The following ANO2 variants were observed in gnomAD, a reference collection of about 807,000 sequenced individuals.
ANO2 encodes the protein anoctamin 2.
Under a neutral mutation model 124.2 loss-of-function variants are expected in ANO2, and 101 were observed. The ratio of observed to expected loss-of-function variants is 0.81; its 90% CI spans 0.69 to 0.96. ANO2 has a LOEUF of 0.96. Among genes scored for constraint, ANO2 ranks in the 40% least tolerant of loss-of-function variants. The pLI, the probability that ANO2 is intolerant of heterozygous loss-of-function variation, is 0.00. For missense variants in ANO2, 1,293 were observed against 1,274.5 expected, an observed-to-expected ratio of 1.01 and a Z score of -0.22; for synonymous variants, 486 against 482.5, an observed-to-expected ratio of 1.01 and a Z score of -0.09.
At position 5,635,467 on chromosome 12, in the gene ANO2, G is replaced by T; in HGVS notation, c.1621-120C>A. 1.2e-6 allele frequency: 1 copy of T among 829,706 alleles called. No homozygotes were observed. The highest frequency in any genetic ancestry group is 1.8e-5 in the African/African-American group (1 of 56,742). 51.4% of individuals were successfully genotyped at this position (829,706 alleles called of 1,614,324 possible). A position where few individuals can be genotyped will look rare whatever the true frequency, so the allele number is the denominator to read the frequency against. On this transcript the variant is annotated intron_variant, in intron 15 of 24. Coordinates refer to ENST00000682330, the MANE Select transcript of ANO2 (RefSeq NM_001364791.2). The surrounding 1 kb of genome is among the most constrained non-coding windows in gnomAD (Gnocchi z 5.2). Reference sequence around the variant, plus strand: ...ATTATTAATCTGGAATCTTTTGTTGGGTAACAAGGGATTCCAGATATTATT... The same window carrying T: ...ATTATTAATCTGGAATCTTTTGTTGTGTAACAAGGGATTCCAGATATTATT...
chr12:5,855,712 C>T (rs182457064), intron 3 of ANO2, among the ~76,000 whole-genome samples: 18 of 152,204 alleles, frequency 1.2e-4, no homozygotes, highest in Non-Finnish European at 1.8e-4. Flanking sequence ...CCAGTACTAC[C>T]ACAATCTCTA....
At chr12:5,806,742 T>C (rs3782659) in intron 8 of ANO2, among the ~76,000 whole-genome samples, 59,548 of 152,162 alleles carry the variant, frequency 0.39, 14,047 homozygotes, top group East Asian at 0.51. Flanking sequence ...TTCTGTTTTC[T>C]TTACTTAACC....
chr12:5,892,909 C>A (rs1410085223), intron 3 of ANO2, among the ~76,000 whole-genome samples: 1 of 152,120 alleles, frequency 6.6e-6, no homozygotes, highest in African/African-American at 2.4e-5. Context: ...TGTTTGACAA[C>A]TGAAAACAAA....
At chr12:5,914,079 A>G (rs910993092) in intron 3 of ANO2, among the ~76,000 whole-genome samples, 21 of 152,170 alleles carry the variant, frequency 1.4e-4, no homozygotes, top group African/African-American at 4.6e-4. Context: ...GTGCACCTGT[A>G]ATCCCAGCTA....
intron 3 of ANO2, among the ~76,000 whole-genome samples, chr12:5,899,894 G>A (rs562459063): frequency 3.9e-5 from 6 of 152,284 alleles, no homozygotes; most frequent in African/African-American, 1.4e-4. Flanking sequence ...ATGGTGGGAG[G>A]GGGAACACAC....
At chr12:5,746,737 G>A (rs1188546072) in intron 11 of ANO2, among the ~76,000 whole-genome samples, 1 of 152,192 alleles carries the variant, frequency 6.6e-6, no homozygotes, top group Non-Finnish European at 1.5e-5. Flanking sequence ...TCAGAGCCCT[G>A]TTAGCACAAC....
chr12:5,869,340 A>T (rs1365518115), intron 3 of ANO2, among the ~76,000 whole-genome samples: 3 of 152,098 alleles, frequency 2.0e-5, no homozygotes. Flanking sequence ...ATCATTCCAC[A>T]TCTGACTCTT....
intron 22 of ANO2, among the ~76,000 whole-genome samples, chr12:5,576,340 C>T (rs549117966): frequency 6.6e-6 from 1 of 152,274 alleles, no homozygotes; most frequent in South Asian, 2.1e-4. Flanking sequence ...CAAGCCAAAA[C>T]AGGGTGCACG....
intron 10 of ANO2, among the ~76,000 whole-genome samples, chr12:5,795,849 G>T (rs1232947084): frequency 6.6e-6 from 1 of 152,154 alleles, no homozygotes; most frequent in Non-Finnish European, 1.5e-5. Context: ...AATAAGGGCT[G>T]TTTTCCTCCT....
chr12:5,887,926 T>C (rs1350423983), intron 3 of ANO2, among the ~76,000 whole-genome samples: 1 of 152,098 alleles, frequency 6.6e-6, no homozygotes, highest in Non-Finnish European at 1.5e-5. Context: ...CAGGTTTGTC[T>C]GCTCACAAAG....
At chr12:5,898,130 AT>A (rs931451804) in intron 3 of ANO2, among the ~76,000 whole-genome samples, 2 of 152,176 alleles carry the variant, frequency 1.3e-5, no homozygotes, top group Admixed American at 6.5e-5. Flanking sequence ...TGGAAAAAAA[AT>A]ATATGAAAAG....
At chr12:5,837,702 C>T (rs1683597795) in intron 4 of ANO2, among the ~76,000 whole-genome samples, 1 of 151,674 alleles carries the variant, frequency 6.6e-6, no homozygotes, top group African/African-American at 2.4e-5. Context: ...CTCTGGGACG[C>T]ATTCAAAGCA....
intron 1 of ANO2, among the ~76,000 whole-genome samples, chr12:5,938,118 C>A (rs1942732835): frequency 6.6e-6 from 1 of 152,202 alleles, no homozygotes; most frequent in South Asian, 2.1e-4. Flanking sequence ...GAAGGGTCCC[C>A]AAAGAGCCCT....
intron 3 of ANO2, among the ~76,000 whole-genome samples, chr12:5,906,199 A>T (rs1195876522): frequency 1.3e-5 from 2 of 152,144 alleles, no homozygotes; most frequent in Non-Finnish European, 2.9e-5. Flanking sequence ...CTTCCTCTCC[A>T]GTTGGCCTTC....
At chr12:5,780,146 C>T (rs2137132444) in intron 10 of ANO2, among the ~76,000 whole-genome samples, 1 of 152,226 alleles carries the variant, frequency 6.6e-6, no homozygotes, top group Middle Eastern at 3.4e-3. Context: ...CTGCCACATA[C>T]TCTTAATTGG....
intron 14 of ANO2, among the ~76,000 whole-genome samples, chr12:5,684,723 C>T (rs1053953404): frequency 6.6e-6 from 1 of 152,172 alleles, no homozygotes; most frequent in Non-Finnish European, 1.5e-5. Flanking sequence ...GTGCCTCTTT[C>T]CTATGTGCTA....
At chr12:5,834,867 G>T (rs1226584986) in intron 4 of ANO2, among the ~76,000 whole-genome samples, 1 of 152,070 alleles carries the variant, frequency 6.6e-6, no homozygotes, top group African/African-American at 2.4e-5. Flanking sequence ...ATAGAACTAG[G>T]TTCCTTCCTA....
chr12:5,872,993 A>G (rs1478455669), intron 3 of ANO2, among the ~76,000 whole-genome samples: 1 of 152,150 alleles, frequency 6.6e-6, no homozygotes, highest in Non-Finnish European at 1.5e-5. Flanking sequence ...TCCTTCAGCA[A>G]TAGGGGACTG....
Position 5,664,448 on chromosome 12 carries a change from A to G in ANO2, c.1546-16647T>C, listed in dbSNP as rs192373895. On this transcript the variant is annotated intron_variant, in intron 14 of 24. Coordinates refer to ENST00000682330, the MANE Select transcript of ANO2 (RefSeq NM_001364791.2). ...CCATTTCTTATATGCTTACTATGTTACAGGCTCTTTTAAGGATTCTTTACT... is the reference window on the plus strand; with the variant it reads ...CCATTTCTTATATGCTTACTATGTTGCAGGCTCTTTTAAGGATTCTTTACT... Among the ~76,000 whole-genome samples, 12 of 152,348 alleles carry G rather than the reference A, an allele frequency of 7.9e-5. No individual in the cohort carries two copies. The East Asian group carries it at 2.3e-3, about 29-fold the overall frequency.
Sources: gnomAD v4.1 joint callset for allele counts (sites outside exome capture counted in the v4.1 genomes callset) on GRCh38, gnomAD v4.1.1 for gene constraint, Gnocchi (gnomAD v3.1) non-coding constraint, MANE v1.5 for transcripts, NCBI Gene and HGNC (gene_info 2026-07-23, HGNC 2026-07-21) for gene names.